PRDM16: variants seen among roughly 807,000 people sequenced by gnomAD.
PRDM16 encodes histone-lysine N-methyltransferase PRDM16.
In PRDM16, 23 loss-of-function variants were observed where a neutral mutation model predicts 110.6. The ratio of observed to expected loss-of-function variants is 0.21; its 90% CI spans 0.15 to 0.29. The LOEUF is 0.29. PRDM16 is among the 10% of genes least tolerant of loss of function. The probability of loss-of-function intolerance (pLI) is 1.00; values close to 1 mark genes in which losing one functional copy is unlikely to be tolerated. For synonymous variants in PRDM16, 799 were observed against 781.8 expected (o/e 1.02, Z -0.37); for missense variants, 1,615 against 1,794.3 (o/e 0.90, Z 1.81).
At chr1:3,402,152 G>A (rs1643482867) in intron 5 of PRDM16, among the ~76,000 whole-genome samples, 1 of 152,206 alleles carries the variant, frequency 6.6e-6, no homozygotes, top group Non-Finnish European at 1.5e-5. Context: ...AGAGCTCAGT[G>A]CCAGCGTTCT....
intron 3 of PRDM16, among the ~76,000 whole-genome samples, chr1:3,292,195 G>A (rs184156661): frequency 3.3e-5 from 5 of 152,318 alleles, no homozygotes; most frequent in African/African-American, 9.6e-5. Flanking sequence ...GAGCTGTTCT[G>A]TCCAATGCCG....
chr1:3,252,063 C>T (rs888781780), intron 3 of PRDM16, among the ~76,000 whole-genome samples: 1 of 152,214 alleles, frequency 6.6e-6, no homozygotes, highest in Non-Finnish European at 1.5e-5. Flanking sequence ...GGGTTCCCCT[C>T]CAGTGTAAAA....
intron 1 of PRDM16, among the ~76,000 whole-genome samples, chr1:3,140,574 A>G (rs764515556): frequency 1.7e-4 from 26 of 152,310 alleles, no homozygotes; most frequent in Non-Finnish European, 3.5e-4. Flanking sequence ...TCTCTAACTC[A>G]GGAGCAATTC....
At chr1:3,180,986 T>C (rs114512952) in intron 1 of PRDM16, among the ~76,000 whole-genome samples, 3,180 of 144,648 alleles carry the variant, frequency 0.022, 132 homozygotes, top group African/African-American at 0.074. Flanking sequence ...ACACACGCAG[T>C]CTTACACACG....
intron 3 of PRDM16, among the ~76,000 whole-genome samples, chr1:3,349,881 C>T (rs148628118): frequency 1.1e-4 from 17 of 152,342 alleles, no homozygotes; most frequent in Middle Eastern, 6.8e-3. Flanking sequence ...AAGCCCGGGG[C>T]TGGGCTTGCT....
At chr1:3,098,398 AATGGTCAGAAAGACCAGCTGTGTCTGGC>A (rs1429910075) in intron 1 of PRDM16, among the ~76,000 whole-genome samples, 41 of 152,208 alleles carry the variant, frequency 2.7e-4, no homozygotes, top group African/African-American at 9.4e-4. Context: ...CAAGGGGCTT[AATGGTCAGAAAGACCAGCTGTGTCTGGC>A]CCAGGGTCCC....
At chr1:3,354,226 G>A (rs990685637) in intron 3 of PRDM16, among the ~76,000 whole-genome samples, 15 of 152,308 alleles carry the variant, frequency 9.8e-5, no homozygotes, top group Admixed American at 6.5e-5. Flanking sequence ...TTGGCAGGCC[G>A]AGGTGGGTGG....
chr1:3,249,301 C>T (rs560268427), intron 3 of PRDM16, among the ~76,000 whole-genome samples: 11 of 152,086 alleles, frequency 7.2e-5, no homozygotes, highest in South Asian at 4.2e-4. Context: ...CAGAAGGAGG[C>T]GCTGCTATGC....
chr1:3,320,858 A>G (rs900519823), intron 3 of PRDM16, among the ~76,000 whole-genome samples: 10 of 152,158 alleles, frequency 6.6e-5, no homozygotes, highest in African/African-American at 2.4e-4. Flanking sequence ...CTCTGAGAGG[A>G]GCCTGGCTAG....
intron 3 of PRDM16, among the ~76,000 whole-genome samples, chr1:3,381,319 G>C (rs377487852): frequency 1.3e-5 from 2 of 152,018 alleles, no homozygotes; most frequent in East Asian, 1.9e-4. Context: ...AGTGGGACAC[G>C]GATTGTTTTT....
intron 1 of PRDM16, among the ~76,000 whole-genome samples, chr1:3,167,091 A>G (rs1307119112): frequency 2.0e-5 from 3 of 152,158 alleles, no homozygotes; most frequent in Non-Finnish European, 4.4e-5. Context: ...TGCACCTGGC[A>G]GGGAAGGCTC....
At chr1:3,160,278 T>C (rs1375085775) in intron 1 of PRDM16, among the ~76,000 whole-genome samples, 1 of 152,160 alleles carries the variant, frequency 6.6e-6, no homozygotes, top group African/African-American at 2.4e-5. Context: ...GGATGTGCCG[T>C]TGGCTGGTGT....
Position 3,110,803 on chromosome 1 carries a change from G to A in PRDM16, c.37+41507G>A, listed in dbSNP as rs901388129. On this transcript the variant is annotated intron_variant, in intron 1 of 16. Transcript: ENST00000270722. ...GGCTCAGCCTCTCTTTAACAGGAGC[G>A]TGGGAGGGATGGAGGCCACGTGTGA... 1.5e-4 allele frequency among the ~76,000 whole-genome samples: 23 copies of A among 152,318 alleles called. 2 individuals are homozygous for A. Among genetic ancestry groups the A allele is most frequent in the East Asian group, 9.7e-4 (5 of 5,168 alleles).
intron 1 of PRDM16, among the ~76,000 whole-genome samples, chr1:3,181,126 A>G (rs78259859): frequency 0.075 from 9,620 of 127,812 alleles, 737 homozygotes; most frequent in East Asian, 0.25. Flanking sequence ...TTACACACGC[A>G]GTCTTACACG....
chr1:3,102,373 G>A (rs956725161), intron 1 of PRDM16, among the ~76,000 whole-genome samples: 17 of 152,152 alleles, frequency 1.1e-4, no homozygotes, highest in African/African-American at 3.9e-4. Flanking sequence ...ATGGAGTCCT[G>A]GAATAAAAGC....
chr1:3,117,559 C>T (rs997916361), intron 1 of PRDM16, among the ~76,000 whole-genome samples: 1 of 152,134 alleles, frequency 6.6e-6, no homozygotes, highest in Admixed American at 6.5e-5. Flanking sequence ...TCCCCACCCC[C>T]GGTTTCCTTC....
rs1569790566 is a variant in PRDM16 at position 3,431,844 on chromosome 1, A to G, written c.3522-122A>G. On this transcript the variant is annotated intron_variant, in intron 15 of 16. Transcript: ENST00000270722. ...TGTCCGTGTGTCTGTCTCCCTGTGC[A>G]TGTGGCTGGCAGAGATGCAGCGGCG... The G allele has an allele frequency of 5.4e-6, 5 of 930,064 alleles. No individual in the cohort carries two copies. The East Asian group carries it at 9.9e-5, about 18-fold the overall frequency. The allele number at this position is 930,064 out of a possible 1,614,324, so 57.6% of individuals were successfully genotyped here. A position where few individuals can be genotyped will look rare whatever the true frequency, so the allele number is the denominator to read the frequency against.
At chr1:3,420,882 T>C (rs1638406997) in intron 12 of PRDM16, among the ~76,000 whole-genome samples, 1 of 152,126 alleles carries the variant, frequency 6.6e-6, no homozygotes, top group Non-Finnish European at 1.5e-5. Context: ...TCTGGGAGGC[T>C]GCCCAGTGGA....
intron 1 of PRDM16, among the ~76,000 whole-genome samples, chr1:3,134,354 G>C (rs189845575): frequency 1.3e-5 from 2 of 152,256 alleles, no homozygotes; most frequent in African/African-American, 4.8e-5. Flanking sequence ...GCCTGGGGAC[G>C]GACAGTTGGG....
Sources: gnomAD v4.1 joint callset for allele counts (sites outside exome capture counted in the v4.1 genomes callset) on GRCh38, gnomAD v4.1.1 for gene constraint, MANE v1.5 for transcripts, NCBI Gene and HGNC (gene_info 2026-07-23, HGNC 2026-07-21) for gene names.